The following MYH9 variants were observed in gnomAD, a reference collection of about 807,000 sequenced individuals.
MYH9 encodes myosin-9.
MYH9 carries 29 observed loss-of-function variants against 241.9 expected under a neutral mutation model. The observed-to-expected ratio is 0.12, with a 90% CI of 0.09 to 0.16. The LOEUF is 0.16. Ranked by LOEUF, MYH9 falls within the 10% of genes least tolerant of loss-of-function variation. MYH9 has a pLI of 1.00. For missense variants in MYH9, 1,803 were observed against 2,595.5 expected (o/e 0.69, Z 6.63); for synonymous variants, 1,047 against 1,062.6 (o/e 0.99, Z 0.29).
At chr22:36,304,825 A>T (rs2016943268) in intron 18 of MYH9, among the ~76,000 whole-genome samples, 1 of 152,232 alleles carries the variant, frequency 6.6e-6, no homozygotes, top group African/African-American at 2.4e-5. Context: ...TCCTCCACAC[A>T]ACCCTGGTGC....
At chr22:36,359,671 A>C (rs926687561) in intron 1 of MYH9, among the ~76,000 whole-genome samples, 1 of 152,116 alleles carries the variant, frequency 6.6e-6, no homozygotes, top group Admixed American at 6.5e-5. Flanking sequence ...GGCACCTACC[A>C]CCTACTACCA....
chr22:36,336,458 C>T (rs1603483757), intron 3 of MYH9, among the ~76,000 whole-genome samples: 1 of 152,248 alleles, frequency 6.6e-6, no homozygotes, highest in Non-Finnish European at 1.5e-5. Context: ...ACCCATCCCC[C>T]GCTGCCTGGC....
chr22:36,344,160 G>A (rs1300146241), intron 2 of MYH9, among the ~76,000 whole-genome samples: 2 of 152,266 alleles, frequency 1.3e-5, no homozygotes, highest in African/African-American at 4.8e-5. Context: ...AGGCTCAGGT[G>A]GGAGGAAGGA....
rs896048966 is a variant in MYH9 at position 36,290,034 on chromosome 22, T to G, written c.4345-737A>C. Among the ~76,000 whole-genome samples the G allele has an allele frequency of 6.6e-5, 10 of 152,286 alleles. No homozygotes were observed. The East Asian group carries it at 9.6e-4, about 15-fold the overall frequency. On this transcript the variant is annotated intron_variant, in intron 31 of 40. Coordinates refer to ENST00000216181, the MANE Select transcript of MYH9 (RefSeq NM_002473.6). ...TACCACAGTTGGCTGCCCGATGTCT[T>G]CTACTGTTCTATCCTGCCCCCGAGT...
Position 36,300,413 on chromosome 22 carries a change from G to A in MYH9, c.2839-149C>T, listed in dbSNP as rs2016858197. 1.8e-5 allele frequency: 21 copies of A among 1,173,226 alleles called. No individual in the cohort carries two copies. The highest frequency in any genetic ancestry group is 2.4e-5 in the Non-Finnish European group (20 of 816,514). The allele number at this position is 1,173,226 out of a possible 1,614,324, so 72.7% of individuals were successfully genotyped here. ...GCCATGGCTGAGGTGGGGACGGCAA[G>A]GTCCGCCAGCCCAGGGCCACAGCCG... is the stretch of plus-strand genomic sequence containing the variant. On this transcript the variant is annotated intron_variant, in intron 22 of 40. Transcript: ENST00000216181. This position sits in a 1 kb window ranked among gnomAD's most constrained non-coding sequence, Gnocchi z 5.0.
chr22:36,287,127 C>T (rs926605598), intron 34 of MYH9, among the ~76,000 whole-genome samples: 4 of 152,202 alleles, frequency 2.6e-5, no homozygotes, highest in African/African-American at 9.7e-5. Context: ...AAGCCAGTGC[C>T]CATGGTGCCA....
chr22:36,302,373 C>T (rs2146344898), intron 20 of MYH9, 195 bp downstream of exon 20: 1 of 546,340 alleles, frequency 1.8e-6, no homozygotes, highest in East Asian at 3.3e-5. Flanking sequence ...AAGGGCCGGG[C>T]ACAGTGGCTC....
chr22:36,309,229 A>T (rs1183829991), intron 15 of MYH9, 53 bp downstream of exon 15: 59 of 1,479,702 alleles, frequency 4.0e-5, no homozygotes, highest in Non-Finnish European at 5.2e-5. Context: ...GGAGGTGGGA[A>T]GATGACCAGC....
chr22:36,331,929 G>A (rs889360630), intron 3 of MYH9, among the ~76,000 whole-genome samples: 5 of 152,204 alleles, frequency 3.3e-5, no homozygotes, highest in African/African-American at 9.6e-5. Context: ...AGACAAATGG[G>A]ACCAAAACTT....
intron 31 of MYH9, among the ~76,000 whole-genome samples, chr22:36,289,919 G>A (rs761454128): frequency 2.0e-5 from 3 of 152,040 alleles, no homozygotes; most frequent in Non-Finnish European, 4.4e-5. Context: ...CACTACCACA[G>A]CACAAAGCAA....
intron 1 of MYH9, among the ~76,000 whole-genome samples, chr22:36,353,246 CT>C (rs2017800743): frequency 6.6e-6 from 1 of 152,108 alleles, no homozygotes; most frequent in South Asian, 2.1e-4. Flanking sequence ...TAAAGAGCTG[CT>C]AAAAATTCAA....
intron 21 of MYH9, among the ~76,000 whole-genome samples, 193 bp from the exon 22 acceptor site, chr22:36,301,250 G>A (rs183860666): frequency 2.4e-4 from 36 of 152,278 alleles, no homozygotes; most frequent in African/African-American, 8.4e-4. Flanking sequence ...TACCCCATGA[G>A]CTCCAGAGCA....
intron 1 of MYH9, among the ~76,000 whole-genome samples, chr22:36,358,446 C>A (rs1018800843): frequency 6.6e-6 from 1 of 152,106 alleles, no homozygotes; most frequent in Admixed American, 6.6e-5. Flanking sequence ...CTGGGACAGC[C>A]GGATTATTTC....
In MYH9 at chr22:36,295,425, G is replaced by T; in HGVS notation, c.3485+80C>A. On this transcript the variant is annotated intron_variant, in intron 26 of 40. Coordinates refer to ENST00000216181, the MANE Select transcript of MYH9 (RefSeq NM_002473.6). The surrounding 1 kb of genome is among the most constrained non-coding windows in gnomAD (Gnocchi z 4.1). Reference sequence around the variant, plus strand: ...CGGTGTGTGTGTGTGTGTGTGTGCAGAGGCCCGGGGTCCATGTCTCCAAGC... The same window carrying T: ...CGGTGTGTGTGTGTGTGTGTGTGCATAGGCCCGGGGTCCATGTCTCCAAGC... 9.1e-7 allele frequency: 1 copy of T among 1,097,594 alleles called. No individual in the cohort carries two copies. The highest frequency in any genetic ancestry group is 1.4e-6 in the Non-Finnish European group (1 of 739,980). The allele number at this position is 1,097,594 out of a possible 1,614,324, so 68.0% of individuals were successfully genotyped here. A position where few individuals can be genotyped will look rare whatever the true frequency, so the allele number is the denominator to read the frequency against.
intron 38 of MYH9, 106 bp from the exon 39 acceptor site, chr22:36,284,617 G>A: frequency 9.4e-7 from 1 of 1,063,612 alleles, no homozygotes; most frequent in South Asian, 1.3e-5. Flanking sequence ...TGGCATCTAG[G>A]GATCACGTAG....
At chr22:36,302,519 G>A (rs2016895595) in intron 20 of MYH9, 49 bp downstream of exon 20, 2 of 1,431,642 alleles carry the variant, frequency 1.4e-6, no homozygotes, top group African/African-American at 2.8e-5. Flanking sequence ...TATGTATGGT[G>A]GTGTGCACCC....
rs143316848 is a variant in MYH9, at chr22:36,318,258, C to T, written c.1176G>A (p.Pro392=). ...CGTAATCCCGTCCCACCTTGATGCG[C>T]GGGGTGAGGATTCCTCTGGTGAAAT... is the stretch of plus-strand genomic sequence containing the variant. ...VTDFTRGILT[P]RIKVGRDYVQ... The change falls in exon 11 of 41, where the codon CCG becomes CCA. Residue 392 remains proline, a synonymous_variant. Transcript: ENST00000216181. 2.9e-4 allele frequency: 465 copies of T among 1,613,762 alleles called. 1 individual carries two copies. In the African/African-American group the frequency reaches 4.5e-3, roughly 16 times the overall value.
At chr22:36,357,160 A>G (rs2017869226) in intron 1 of MYH9, among the ~76,000 whole-genome samples, 1 of 152,208 alleles carries the variant, frequency 6.6e-6, no homozygotes, top group African/African-American at 2.4e-5. Context: ...AGAGGAGAGG[A>G]ACATGCAACT....
intron 1 of MYH9, among the ~76,000 whole-genome samples, chr22:36,371,597 G>A (rs532184927): frequency 4.6e-5 from 7 of 152,186 alleles, no homozygotes; most frequent in East Asian, 3.9e-4. Context: ...GTGCAATGGC[G>A]CCATCTCGGC....
Sources: gnomAD v4.1 joint callset for allele counts (sites outside exome capture counted in the v4.1 genomes callset) on GRCh38, gnomAD v4.1.1 for gene constraint, Gnocchi (gnomAD v3.1) non-coding constraint, MANE v1.5 for transcripts, NCBI Gene and HGNC (gene_info 2026-07-23, HGNC 2026-07-21) for gene names.